DPP6: variants seen among roughly 807,000 people sequenced by gnomAD.
DPP6 encodes A-type potassium channel modulatory protein DPP6.
DPP6 carries 69 observed loss-of-function variants against 122.6 expected under a neutral mutation model. The ratio of observed to expected loss-of-function variants is 0.56; its 90% CI spans 0.46 to 0.69. DPP6 has a LOEUF of 0.69. Among genes scored for constraint, DPP6 ranks in the 30% least tolerant of loss-of-function variants. DPP6 has a pLI of 0.00. For synonymous variants in DPP6, 418 were observed against 433.1 expected (o/e 0.97, Z 0.43); for missense variants, 928 against 1,116.9 (o/e 0.83, Z 2.41).
chr7:154,213,944 A>C (rs1799867094), intron 1 of DPP6, among the ~76,000 whole-genome samples: 3 of 152,168 alleles, frequency 2.0e-5, no homozygotes, highest in Admixed American at 2.0e-4. Context: ...CCTGCTCACC[A>C]GTAACATGAG....
chr7:154,575,081 T>A (rs1202405761), intron 5 of DPP6, among the ~76,000 whole-genome samples: 1 of 115,778 alleles, frequency 8.6e-6, no homozygotes, highest in Non-Finnish European at 1.7e-5. Context: ...TGTGTGTATG[T>A]GTGTGATGTG....
At chr7:154,852,271 T>C (rs1473340837) in intron 16 of DPP6, among the ~76,000 whole-genome samples, 1 of 152,154 alleles carries the variant, frequency 6.6e-6, no homozygotes, top group African/African-American at 2.4e-5. Context: ...CCCAAGATAG[T>C]GTGCATGCTT....
intron 16 of DPP6, among the ~76,000 whole-genome samples, chr7:154,829,551 A>G (rs972025627): frequency 6.6e-6 from 1 of 151,978 alleles, no homozygotes; most frequent in Non-Finnish European, 1.5e-5. Flanking sequence ...GAGAAGAAAA[A>G]CAGACCAAGA....
chr7:153,785,008 T>C, the DPP6 span, among the ~76,000 whole-genome samples: 7 of 152,348 alleles, frequency 4.6e-5, 1 homozygote, highest in Admixed American at 4.6e-4. Context: ...AGTTTACAGG[T>C]AATGCATAAA....
chr7:154,288,007 A>G lies in DPP6; in HGVS notation c.244-158207A>G, dbSNP rs1221403584. ...AATGGGGCAAAAGTTACTCCCACCC[A>G]GAGGAATGAGACATATGTGTCCCCC... is the stretch of plus-strand genomic sequence containing the variant. On this transcript the variant is annotated intron_variant, in intron 1 of 25. Coordinates refer to ENST00000377770, the MANE Select transcript of DPP6 (RefSeq NM_130797.4). Among the ~76,000 whole-genome samples the G allele has an allele frequency of 2.0e-5, 3 of 152,344 alleles. No homozygotes were observed. In the East Asian group the frequency reaches 5.8e-4, roughly 29 times the overall value.
the DPP6 span, among the ~76,000 whole-genome samples, chr7:153,881,638 G>A: frequency 5.9e-5 from 9 of 152,226 alleles, no homozygotes; most frequent in East Asian, 1.2e-3. Flanking sequence ...CCTTGGCTGC[G>A]ACATTCCTGT....
chr7:154,881,752 C>T (rs148054438), intron 21 of DPP6, among the ~76,000 whole-genome samples: 152 of 152,322 alleles, frequency 1.0e-3, no homozygotes, highest in African/African-American at 3.6e-3. Flanking sequence ...GTGGGCTGCT[C>T]CCGGAAGCAG....
intron 1 of DPP6, among the ~76,000 whole-genome samples, chr7:153,888,931 A>G (rs1398261557): frequency 6.6e-6 from 1 of 152,070 alleles, no homozygotes; most frequent in East Asian, 1.9e-4. Context: ...GTGCATTTTG[A>G]GATCTCGCTT....
chr7:154,700,275 A>G (rs553596660), intron 7 of DPP6, among the ~76,000 whole-genome samples: 1 of 152,348 alleles, frequency 6.6e-6, no homozygotes, highest in Non-Finnish European at 1.5e-5. Flanking sequence ...GTTCTGGTGT[A>G]GGCATTGAAA....
chr7:154,269,244 C>T (rs879570691), intron 1 of DPP6, among the ~76,000 whole-genome samples: 18 of 152,114 alleles, frequency 1.2e-4, no homozygotes, highest in African/African-American at 4.3e-4. Context: ...AACCACACAA[C>T]TGGTAAGTGG....
At chr7:153,889,863 A>G (rs1451432733) in intron 1 of DPP6, among the ~76,000 whole-genome samples, 2 of 152,212 alleles carry the variant, frequency 1.3e-5, no homozygotes, top group Non-Finnish European at 2.9e-5. Context: ...GTTCTTATCA[A>G]TTCTTGAATT....
At chr7:154,665,158 T>G (rs1308860733) in intron 6 of DPP6, among the ~76,000 whole-genome samples, 1 of 152,084 alleles carries the variant, frequency 6.6e-6, no homozygotes, top group African/African-American at 2.4e-5. Context: ...TTTCCCAGTG[T>G]TTTCTCATGA....
At chr7:154,872,018 A>T (rs1293595142) in intron 18 of DPP6, among the ~76,000 whole-genome samples, 2 of 152,144 alleles carry the variant, frequency 1.3e-5, no homozygotes, top group African/African-American at 4.8e-5. Flanking sequence ...ACGGGATCCA[A>T]TGGGCTGTAC....
intron 1 of DPP6, among the ~76,000 whole-genome samples, chr7:154,060,409 A>AG: frequency 1.8e-5 from 1 of 56,730 alleles, no homozygotes; most frequent in South Asian, 6.7e-4. Context: ...CCCATCGCAG[A>AG]GGGGGGAGGC....
chr7:154,635,033 A>T (rs1315067832), intron 5 of DPP6, among the ~76,000 whole-genome samples: 1 of 152,154 alleles, frequency 6.6e-6, no homozygotes, highest in Non-Finnish European at 1.5e-5. Context: ...GCGAACACGG[A>T]CTTCTGACTT....
chr7:154,401,540 A>G (rs1323574283), intron 1 of DPP6, among the ~76,000 whole-genome samples: 1 of 152,210 alleles, frequency 6.6e-6, no homozygotes, highest in Non-Finnish European at 1.5e-5. Context: ...TGCTGAGCCA[A>G]TAGTCGTCTT....
At chr7:154,675,025 A>AT (rs1178027819) in intron 7 of DPP6, among the ~76,000 whole-genome samples, 2 of 152,224 alleles carry the variant, frequency 1.3e-5, no homozygotes, top group Non-Finnish European at 2.9e-5. Flanking sequence ...CCTTGATTAT[A>AT]TGGCATTTTA....
chr7:154,729,809 C>A (rs1306631761), intron 8 of DPP6, among the ~76,000 whole-genome samples: 2 of 152,204 alleles, frequency 1.3e-5, no homozygotes, highest in Non-Finnish European at 2.9e-5. Flanking sequence ...TCCTTCTGAG[C>A]CCCAGGAGAA....
intron 16 of DPP6, among the ~76,000 whole-genome samples, chr7:154,846,900 G>A (rs1305252383): frequency 2.0e-5 from 3 of 152,018 alleles, no homozygotes; most frequent in African/African-American, 4.8e-5. Context: ...GGCCCATGTC[G>A]ATAGGTGTAG....
Sources: gnomAD v4.1 joint callset for allele counts (sites outside exome capture counted in the v4.1 genomes callset) on GRCh38, gnomAD v4.1.1 for gene constraint, MANE v1.5 for transcripts, NCBI Gene and HGNC (gene_info 2026-07-23, HGNC 2026-07-21) for gene names.